CALM3: variants seen among roughly 807,000 people sequenced by gnomAD.
The protein encoded by CALM3 is calmodulin 3, also known as calmodulin-3.
In CALM3, 5 loss-of-function variants were observed where a neutral mutation model predicts 20.1. That is an observed-to-expected ratio of 0.25 (90% CI 0.13 to 0.52). The LOEUF (loss-of-function observed/expected upper bound fraction) is 0.52. CALM3 is among the 20% of genes least tolerant of loss of function. The probability of loss-of-function intolerance (pLI) is 0.96; values close to 1 mark genes in which losing one functional copy is unlikely to be tolerated. For missense variants in CALM3, 57 were observed against 192.8 expected (o/e 0.30, Z 4.17); for synonymous variants, 69 against 68.1 (o/e 1.01, Z -0.06).
rs75486879 is a variant in CALM3 at position 46,605,665 on chromosome 19, G to A, written c.4-162G>A. On this transcript the variant is annotated intron_variant, in intron 1 of 5. Coordinates refer to ENST00000291295, the MANE Select transcript of CALM3 (RefSeq NM_005184.4). The surrounding 1 kb of genome is among the most constrained non-coding windows in gnomAD (Gnocchi z 4.1). ...GAATCACCAGACTTTATCATCAGGC[G>A]CTGGCTCTGCCTCAGACCCTGACTC... Among the ~76,000 whole-genome samples the A allele has an allele frequency of 0.013, 1,987 of 152,356 alleles. 38 individuals are homozygous for A. Among genetic ancestry groups the A allele is most frequent in the African/African-American group, 0.045 (1,871 of 41,582 alleles).
At chr19:46,604,501 C>T (rs1971699327) in intron 1 of CALM3, among the ~76,000 whole-genome samples, 1 of 151,888 alleles carries the variant, frequency 6.6e-6, no homozygotes, top group Non-Finnish European at 1.5e-5. Context: ...TTTGATTACC[C>T]CTCCCATTCT....
Position 46,609,286 on chromosome 19 carries a change from C to T in CALM3, c.*133C>T. On this transcript the variant is annotated 3_prime_UTR_variant, in exon 6 of 6. Transcript: ENST00000291295. ...TTGATTGACTGAGAATCTGATAAAG[C>T]AACAAAAGATTTGTCCCAAGCTGCA... 1.2e-6 allele frequency: 1 copy of T among 837,724 alleles called. No homozygotes were observed. Among genetic ancestry groups the T allele is most frequent in the Non-Finnish European group, 2.0e-6 (1 of 509,636 alleles). 51.9% of individuals were successfully genotyped at this position (837,724 alleles called of 1,614,324 possible).
Position 46,605,904 on chromosome 19 carries a change from C to G in CALM3, c.34+47C>G. 2.5e-6 allele frequency: 4 copies of G among 1,584,720 alleles called. No individual in the cohort carries two copies. Among genetic ancestry groups the G allele is most frequent in the Non-Finnish European group, 3.5e-6 (4 of 1,153,474 alleles). Reference sequence around the variant, plus strand: ...TCTTAGCTCAGGAAAGCCTCCACATCCCCAGCCAAATCTTAGCCACTGAGG... The same window carrying G: ...TCTTAGCTCAGGAAAGCCTCCACATGCCCAGCCAAATCTTAGCCACTGAGG... On this transcript the variant is annotated intron_variant, in intron 2 of 5. Transcript: ENST00000291295. This position sits in a 1 kb window ranked among gnomAD's most constrained non-coding sequence, Gnocchi z 4.1.
At position 46,608,033 on chromosome 19, in the gene CALM3, C is replaced by CACTG. The variant is rs1223325519; in HGVS notation, c.35-162_35-159dup. The CACTG allele has an allele frequency of 1.6e-6, 1 of 643,010 alleles. No individual in the cohort carries two copies. Among genetic ancestry groups the CACTG allele is most frequent in the East Asian group, 2.6e-5 (1 of 38,230 alleles). The allele number at this position is 643,010 out of a possible 1,614,324, so 39.8% of individuals were successfully genotyped here. A position where few individuals can be genotyped will look rare whatever the true frequency, so the allele number is the denominator to read the frequency against. ...AAGGTTGGAAGGGCTTTGCCCTGAG[C>CACTG]ACTGAGGAGAGAGAGCTGGTTGCGT... On this transcript the variant is annotated intron_variant, in intron 2 of 5. Coordinates refer to ENST00000291295, the MANE Select transcript of CALM3 (RefSeq NM_005184.4). The surrounding 1 kb of genome is among the most constrained non-coding windows in gnomAD (Gnocchi z 5.5).
intron 2 of CALM3, among the ~76,000 whole-genome samples, chr19:46,606,503 C>T (rs1217465297): frequency 2.0e-5 from 3 of 152,174 alleles, no homozygotes; most frequent in East Asian, 1.9e-4. Context: ...AAATTATTTT[C>T]TTATGTCTTC....
chr19:46,603,812 C>T (rs1009901902), intron 1 of CALM3, among the ~76,000 whole-genome samples: 42 of 152,318 alleles, frequency 2.8e-4, no homozygotes, highest in African/African-American at 8.7e-4. Context: ...CCATGCAGAG[C>T]CACGCCTATT....
Position 46,609,383 on chromosome 19 carries a change from T to G in CALM3, c.*230T>G. 1 of 598,762 alleles carries G rather than the reference T, an allele frequency of 1.7e-6. No individual in the cohort carries two copies. The highest frequency in any genetic ancestry group is 3.0e-6 in the Non-Finnish European group (1 of 335,034). The allele number at this position is 598,762 out of a possible 1,614,324, so 37.1% of individuals were successfully genotyped here. On this transcript the variant is annotated 3_prime_UTR_variant, in exon 6 of 6. Transcript: ENST00000291295. ...ATCTCTTCCTTTTGCCCTCGCCTCT[T>G]CCATCCATGTCTTCCAAGGCCTGAT...
chr19:46,601,264 C>T, upstream of CALM3: 1 of 400,858 alleles, frequency 2.5e-6, no homozygotes, highest in Non-Finnish European at 3.6e-6. The surrounding 1 kb of genome is among the most constrained non-coding windows in gnomAD (Gnocchi z 4.2). Context: ...AGGCGGGGCG[C>T]GCGCGGCGGC....
In CALM3 at chr19:46,602,154, C is replaced by A. The variant is rs968110050; in HGVS notation, c.3+717C>A. 1.4e-5 allele frequency: 19 copies of A among 1,342,462 alleles called. No individual in the cohort carries two copies. The African/African-American group carries it at 2.4e-4, about 17-fold the overall frequency. 83.2% of individuals were successfully genotyped at this position (1,342,462 alleles called of 1,614,324 possible). On this transcript the variant is annotated intron_variant, in intron 1 of 5. Coordinates refer to ENST00000291295, the MANE Select transcript of CALM3 (RefSeq NM_005184.4). ...GTGGCAGCGGAGATTAGAAGATACT[C>A]TTGAAGGCTTCCGGGACGGAGAAGG...
chr19:46,609,436 A>C lies in CALM3; in HGVS notation c.*283A>C. On this transcript the variant is annotated 3_prime_UTR_variant, in exon 6 of 6. Coordinates refer to ENST00000291295, the MANE Select transcript of CALM3 (RefSeq NM_005184.4). ...ATTCATAAGTTGAAGCCCTCCCCAG[A>C]TCCCCTTGGGGAGCCTCTGCCCTCC... 1 of 516,692 alleles carries C rather than the reference A, an allele frequency of 1.9e-6. No homozygotes were observed. The highest frequency in any genetic ancestry group is 2.7e-5 in the South Asian group (1 of 37,034). The allele number at this position is 516,692 out of a possible 1,614,324, so 32.0% of individuals were successfully genotyped here. A position where few individuals can be genotyped will look rare whatever the true frequency, so the allele number is the denominator to read the frequency against.
chr19:46,604,214 T>C (rs1277875436), intron 1 of CALM3, among the ~76,000 whole-genome samples: 1 of 152,142 alleles, frequency 6.6e-6, no homozygotes, highest in Non-Finnish European at 1.5e-5. Flanking sequence ...CCTAAGCCTC[T>C]TCCTCAGGTG....
Position 46,608,692 on chromosome 19 carries a change from C to A in CALM3, c.285+104C>A. On this transcript the variant is annotated intron_variant, in intron 4 of 5. Coordinates refer to ENST00000291295, the MANE Select transcript of CALM3 (RefSeq NM_005184.4). The surrounding 1 kb of genome is among the most constrained non-coding windows in gnomAD (Gnocchi z 5.5). ...TACCACTTCCAGGAGGTCCGGGTCC[C>A]GGTGCCAGCCTCATTGCCAACCTGC... is the stretch of plus-strand genomic sequence containing the variant. 8.0e-7 allele frequency: 1 copy of A among 1,254,104 alleles called. No homozygotes were observed. The highest frequency in any genetic ancestry group is 1.5e-5 in the African/African-American group (1 of 67,286). The allele number at this position is 1,254,104 out of a possible 1,614,324, so 77.7% of individuals were successfully genotyped here.
At position 46,608,812 on chromosome 19, in the gene CALM3, G is replaced by A; in HGVS notation, c.286-34G>A. On this transcript the variant is annotated intron_variant, in intron 4 of 5. Coordinates refer to ENST00000291295, the MANE Select transcript of CALM3 (RefSeq NM_005184.4). This position sits in a 1 kb window ranked among gnomAD's most constrained non-coding sequence, Gnocchi z 5.5. The stretch of plus-strand genomic sequence containing the variant: ...ACTGCCTCTCTCCCCACCGGGAGAA[G>A]TGCCCAGTGAAAGGCTTTATCCCCA... 1 of 1,534,256 alleles carries A rather than the reference G, an allele frequency of 6.5e-7. No homozygotes were observed. Among genetic ancestry groups the A allele is most frequent in the Non-Finnish European group, 8.8e-7 (1 of 1,141,298 alleles).
rs1471817033 is a variant in CALM3 at position 46,608,622 on chromosome 19, T to C, written c.285+34T>C. ...CCCTCTCCAGGGGCGGCTCTGAGAC[T>C]GACGCCAGCCTTCAGGCAGACAGGC... On this transcript the variant is annotated intron_variant, in intron 4 of 5. Transcript: ENST00000291295. This position sits in a 1 kb window ranked among gnomAD's most constrained non-coding sequence, Gnocchi z 5.5. 6.5e-7 allele frequency: 1 copy of C among 1,540,362 alleles called. No individual in the cohort carries two copies. The highest frequency in any genetic ancestry group is 1.7e-5 in the Admixed American group (1 of 59,596).
rs1971786280 is a variant in CALM3 at position 46,608,290 on chromosome 19, A to AC, written c.132dup (p.Thr45HisfsTer2). The AC allele has an allele frequency of 6.2e-7, 1 of 1,614,026 alleles. No homozygotes were observed. The highest frequency in any genetic ancestry group is 1.1e-5 in the South Asian group (1 of 91,076). ...ACAGTGATGAGATCCCTGGGACAGA[A>AC]CCCCACTGAAGCAGAGCTGCAGGAT... On this transcript the variant is annotated frameshift_variant, in exon 3 of 6. Coordinates refer to ENST00000291295, the MANE Select transcript of CALM3 (RefSeq NM_005184.4). LOFTEE classifies it high-confidence loss of function. This position sits in a 1 kb window ranked among gnomAD's most constrained non-coding sequence, Gnocchi z 5.5.
Position 46,610,557 on chromosome 19 carries a change from C to T in CALM3, c.*1404C>T, listed in dbSNP as rs1198268582. 7.1e-6 allele frequency: 1 copy of T among 141,490 alleles called. No homozygotes were observed. The highest frequency in any genetic ancestry group is 1.5e-5 in the Non-Finnish European group (1 of 66,062). 8.8% of individuals were successfully genotyped at this position (141,490 alleles called of 1,614,324 possible). A position where few individuals can be genotyped will look rare whatever the true frequency, so the allele number is the denominator to read the frequency against. On this transcript the variant is annotated 3_prime_UTR_variant, in exon 6 of 6. Transcript: ENST00000291295. ...CTGGGACCTGCCCAGCTTTGAGAAT[C>T]TCTTCTCATCCACCCTCTGGCACCC...
chr19:46,608,624 A>AC lies in CALM3; in HGVS notation c.285+37dup. ...CTCTCCAGGGGCGGCTCTGAGACTG[A>AC]CGCCAGCCTTCAGGCAGACAGGCGG... On this transcript the variant is annotated intron_variant, in intron 4 of 5. Coordinates refer to ENST00000291295, the MANE Select transcript of CALM3 (RefSeq NM_005184.4). The surrounding 1 kb of genome is among the most constrained non-coding windows in gnomAD (Gnocchi z 5.5). 2 of 1,534,250 alleles carry AC rather than the reference A, an allele frequency of 1.3e-6. No homozygotes were observed. The highest frequency in any genetic ancestry group is 2.2e-5 in the South Asian group (2 of 89,242).
rs1971843145 is a variant in CALM3 at position 46,610,032 on chromosome 19, TG to T, written c.*881del. ...TGGGGATGGTCGCTTTGTAATGTGC[TG>T]GTTCTCTTTTTTTTTCTTTCCCCTC... On this transcript the variant is annotated 3_prime_UTR_variant, in exon 6 of 6. Transcript: ENST00000291295. 6.5e-6 allele frequency: 1 copy of T among 152,754 alleles called. No homozygotes were observed. The highest frequency in any genetic ancestry group is 1.5e-5 in the Non-Finnish European group (1 of 68,130). The allele number at this position is 152,754 out of a possible 1,614,324, so 9.5% of individuals were successfully genotyped here.
At chr19:46,601,149 T>TG, upstream of CALM3, 1 of 600,514 alleles carries the variant, frequency 1.7e-6, no homozygotes, top group East Asian at 3.3e-5. The surrounding 1 kb of genome is among the most constrained non-coding windows in gnomAD (Gnocchi z 4.2). Flanking sequence ...CTGTGCAGGG[T>TG]GGGGACGAGA....
Sources: allele counts gnomAD v4.1 joint callset (sites outside exome capture counted in the v4.1 genomes callset), GRCh38; gene constraint gnomAD v4.1.1; non-coding constraint Gnocchi (gnomAD v3.1); transcripts MANE v1.5; gene names NCBI Gene and HGNC (gene_info 2026-07-23, HGNC 2026-07-21).